Variants in CNTNAP5 observed in about 807,000 individuals in gnomAD.
CNTNAP5 encodes the protein contactin associated protein family member 5.
CNTNAP5 carries 72 observed loss-of-function variants against 150.2 expected under a neutral mutation model. The ratio of observed to expected loss-of-function variants is 0.48; its 90% CI spans 0.40 to 0.58. CNTNAP5 has a LOEUF of 0.58. Among genes scored for constraint, CNTNAP5 ranks in the 20% least tolerant of loss-of-function variants. The probability of loss-of-function intolerance (pLI) is 0.00; values close to 1 mark genes in which losing one functional copy is unlikely to be tolerated. For missense variants in CNTNAP5, 1,636 were observed against 1,626.2 expected (o/e 1.01, Z -0.10); for synonymous variants, 672 against 619.8 (o/e 1.08, Z -1.25).
chr2:124,743,131 G>A (rs879467519), intron 13 of CNTNAP5, among the ~76,000 whole-genome samples: 1 of 152,112 alleles, frequency 6.6e-6, no homozygotes, highest in Non-Finnish European at 1.5e-5. Context: ...AAGCAAAATT[G>A]TGGAACCTCC....
chr2:124,340,192 A>G (rs1689576205), intron 3 of CNTNAP5, among the ~76,000 whole-genome samples: 2 of 152,188 alleles, frequency 1.3e-5, no homozygotes, highest in Non-Finnish European at 2.9e-5. Context: ...TAAACTGTCA[A>G]TTAAATTCCT....
At chr2:124,498,425 G>T (rs1016783861) in intron 7 of CNTNAP5, among the ~76,000 whole-genome samples, 3 of 152,050 alleles carry the variant, frequency 2.0e-5, no homozygotes, top group Admixed American at 1.3e-4. Context: ...TCAGTCAATT[G>T]GTTATTATAC....
At chr2:124,401,953 C>T (rs1455312870) in intron 3 of CNTNAP5, among the ~76,000 whole-genome samples, 4 of 152,096 alleles carry the variant, frequency 2.6e-5, no homozygotes, top group South Asian at 4.2e-4. Flanking sequence ...GCAACCTTCA[C>T]GGGTTTACTG....
rs192845709 is a variant in CNTNAP5 at position 124,523,719 on chromosome 2, G to T, written c.1328-584G>T. On this transcript the variant is annotated intron_variant, in intron 8 of 23. Coordinates refer to ENST00000682447, the MANE Select transcript of CNTNAP5 (RefSeq NM_001367498.1). ...ATGATAAAATCAGAGCTTAATGAAA[G>T]TGAGTAACTTTGACAATGTCTCCTA... Among the ~76,000 whole-genome samples the T allele has an allele frequency of 3.4e-3, 521 of 152,298 alleles. 2 individuals are homozygous for T. Among genetic ancestry groups the T allele is most frequent in the South Asian group, 0.034 (164 of 4,828 alleles).
intron 19 of CNTNAP5, among the ~76,000 whole-genome samples, chr2:124,847,971 G>T (rs1296190501): frequency 6.6e-6 from 1 of 151,920 alleles, no homozygotes; most frequent in Non-Finnish European, 1.5e-5. Context: ...AAAAAACTTG[G>T]AGTCATATCA....
intron 17 of CNTNAP5, among the ~76,000 whole-genome samples, chr2:124,778,962 G>A (rs557580442): frequency 1.1e-4 from 17 of 152,272 alleles, no homozygotes; most frequent in African/African-American, 3.8e-4. Flanking sequence ...GCTCCAATTC[G>A]GCTTCCAGTG....
At chr2:124,656,003 G>GAAAGAAAGAAAGAAAGAAAA (rs1261971735) in intron 13 of CNTNAP5, among the ~76,000 whole-genome samples, 1 of 141,368 alleles carries the variant, frequency 7.1e-6, no homozygotes, top group African/African-American at 2.6e-5. Flanking sequence ...AAGAAAAAAG[G>GAAAGAAAGAAAGAAAGAAAA]AAGGAAGGAA....
intron 17 of CNTNAP5, among the ~76,000 whole-genome samples, chr2:124,786,425 AG>A: frequency 1.1e-4 from 13 of 120,018 alleles, no homozygotes; most frequent in Non-Finnish European, 2.1e-4. Context: ...GAAGGAAGGA[AG>A]GAAGGAAGGA....
chr2:124,027,737 T>C (rs1227664657), intron 1 of CNTNAP5, among the ~76,000 whole-genome samples: 2 of 152,202 alleles, frequency 1.3e-5, no homozygotes, highest in Non-Finnish European at 2.9e-5. Flanking sequence ...CTATTTCCAA[T>C]CAACATTTTA....
intron 4 of CNTNAP5, among the ~76,000 whole-genome samples, chr2:124,419,706 G>A (rs1692033257): frequency 6.6e-6 from 1 of 152,144 alleles, no homozygotes; most frequent in African/African-American, 2.4e-5. Context: ...TCTTTATGAT[G>A]TGCCTCAAGC....
intron 13 of CNTNAP5, among the ~76,000 whole-genome samples, chr2:124,658,307 G>A (rs956552095): frequency 6.6e-6 from 1 of 152,200 alleles, no homozygotes; most frequent in African/African-American, 2.4e-5. Flanking sequence ...TGTTACTGAT[G>A]TTTTATGGGC....
chr2:124,826,895 T>C (rs1682606377), intron 19 of CNTNAP5, among the ~76,000 whole-genome samples: 1 of 152,126 alleles, frequency 6.6e-6, no homozygotes, highest in Non-Finnish European at 1.5e-5. Context: ...TGTCAATAAG[T>C]AAGTATCTAC....
At position 124,223,680 on chromosome 2, in the gene CNTNAP5, C is replaced by T. The variant is rs182337843; in HGVS notation, c.187+1871C>T. ...GGAAGCTGTGGGTCTGATCACAGGC[C>T]GGCTCTCTCCCTGACAGACAGATAT... On this transcript the variant is annotated intron_variant, in intron 2 of 23. Transcript: ENST00000682447. Among the ~76,000 whole-genome samples the T allele has an allele frequency of 3.3e-4, 50 of 151,766 alleles. No individual in the cohort carries two copies. In the East Asian group the frequency reaches 7.8e-3, roughly 24 times the overall value.
At chr2:124,410,889 C>T (rs1171489695) in intron 3 of CNTNAP5, among the ~76,000 whole-genome samples, 4 of 151,060 alleles carry the variant, frequency 2.6e-5, no homozygotes, top group African/African-American at 9.7e-5. Context: ...CAGAGCAGAA[C>T]TGAAGGAAAT....
At chr2:124,862,193 C>T (rs920074183) in intron 19 of CNTNAP5, among the ~76,000 whole-genome samples, 7 of 152,166 alleles carry the variant, frequency 4.6e-5, no homozygotes, top group African/African-American at 2.4e-5. Flanking sequence ...TTGTGAACAT[C>T]TTATCTCTGT....
At chr2:124,693,326 C>T (rs1679337329) in intron 13 of CNTNAP5, among the ~76,000 whole-genome samples, 2 of 151,958 alleles carry the variant, frequency 1.3e-5, no homozygotes, top group East Asian at 1.9e-4. Context: ...AATAAAAATC[C>T]CAGGAATATC....
At chr2:124,299,632 A>AGT (rs36052786) in intron 3 of CNTNAP5, among the ~76,000 whole-genome samples, 101,807 of 151,746 alleles carry the variant, frequency 0.67, 34,433 homozygotes, top group East Asian at 0.88. Flanking sequence ...TGTTGTGAAT[A>AGT]GTGCTGCAAT....
chr2:124,389,044 T>G (rs1691040090), intron 3 of CNTNAP5, among the ~76,000 whole-genome samples: 1 of 152,214 alleles, frequency 6.6e-6, no homozygotes, highest in Non-Finnish European at 1.5e-5. Flanking sequence ...ACGCCATATT[T>G]TCTTCTACAT....
At chr2:124,128,988 C>A (rs1285770017) in intron 1 of CNTNAP5, among the ~76,000 whole-genome samples, 2 of 151,468 alleles carry the variant, frequency 1.3e-5, no homozygotes, top group South Asian at 2.1e-4. Flanking sequence ...TACAGCACAC[C>A]AATATGGCAC....
Sources: gnomAD v4.1 joint callset for allele counts (sites outside exome capture counted in the v4.1 genomes callset) on GRCh38, gnomAD v4.1.1 for gene constraint, MANE v1.5 for transcripts, NCBI Gene and HGNC (gene_info 2026-07-23, HGNC 2026-07-21) for gene names.